Variants in FCN2 observed in about 807,000 individuals in gnomAD.
The protein encoded by FCN2 is ficolin 2.
A neutral mutation model predicts 32.5 loss-of-function variants in FCN2; 31 were observed. The observed-to-expected ratio is 0.96, with a 90% CI of 0.72 to 1.29. The LOEUF is 1.29. Among genes scored for constraint, FCN2 ranks in the 50% most tolerant of loss-of-function variants. The pLI, the probability that FCN2 is intolerant of heterozygous loss-of-function variation, is 0.00. For missense variants in FCN2, 412 were observed against 406.5 expected, an observed-to-expected ratio of 1.01 and a Z score of -0.12; for synonymous variants, 181 against 164.5, an observed-to-expected ratio of 1.10 and a Z score of -0.77.
chr9:134,885,739 CCGG>C, intron 5 of FCN2, 26 bp from the exon 6 acceptor site: 1 of 1,613,782 alleles, frequency 6.2e-7, no homozygotes, highest in Admixed American at 1.7e-5. Context: ...CCTGGCCCCC[CCGG>C]CTCCTGTCCC....
At chr9:134,865,092 G>A in the FCN2 span, among the ~76,000 whole-genome samples, 1 of 152,256 alleles carries the variant, frequency 6.6e-6, no homozygotes, top group Admixed American at 6.5e-5. Flanking sequence ...CCAGCTGGAC[G>A]TGGCCAGCAA....
chr9:134,883,463 C>A, intron 3 of FCN2, 108 bp downstream of exon 3: 1 of 993,470 alleles, frequency 1.0e-6, no homozygotes, highest in Non-Finnish European at 1.6e-6. Flanking sequence ...TCGCCAGAGC[C>A]AACGCCTGCC....
chr9:134,885,273 G>A lies in FCN2; in HGVS notation c.336G>A (p.Gly112=). 4.3e-6 allele frequency: 7 copies of A among 1,614,176 alleles called. No homozygotes were observed. The highest frequency in any genetic ancestry group is 5.9e-6 in the Non-Finnish European group (7 of 1,180,028). The part of the protein sequence containing the change: ...PRTCKDLLDR[G]HFLSGWHTIY... ...CCTGCAAGGACCTGCTAGACCGAGG[G>A]CACTTCCTGAGCGGCTGGCACACCA... The change falls in exon 5 of 8, where the codon GGG becomes GGA. Residue 112 remains glycine (G), a synonymous_variant. Coordinates refer to ENST00000291744, the MANE Select transcript of FCN2 (RefSeq NM_004108.3).
upstream of FCN2, among the ~76,000 whole-genome samples, chr9:134,879,547 G>C (rs751682854): frequency 2.6e-5 from 4 of 152,142 alleles, no homozygotes. Flanking sequence ...CATCTTTCTA[G>C]GTTCCATATC....
the FCN2 span, among the ~76,000 whole-genome samples, chr9:134,873,429 G>C: frequency 6.6e-6 from 1 of 152,150 alleles, no homozygotes; most frequent in African/African-American, 2.4e-5. Context: ...TCTGCAAAGA[G>C]TATGTCTCCA....
the FCN2 span, among the ~76,000 whole-genome samples, chr9:134,866,910 C>G: frequency 0.018 from 2,399 of 136,408 alleles, 117 homozygotes; most frequent in African/African-American, 0.066. Context: ...GACTGGCCAT[C>G]AGAGAAATGC....
chr9:134,868,267 C>T, the FCN2 span: 1 of 152,442 alleles, frequency 6.6e-6, no homozygotes, highest in African/African-American at 2.4e-5. The surrounding 1 kb of genome is among the most constrained non-coding windows in gnomAD (Gnocchi z 4.3). Context: ...CCCTTCTCCA[C>T]CGAAGACCAA....
At chr9:134,869,115 C>T in the FCN2 span, among the ~76,000 whole-genome samples, 7 of 151,626 alleles carry the variant, frequency 4.6e-5, no homozygotes, top group East Asian at 3.9e-4. Flanking sequence ...TGACCCCGGC[C>T]GCCTGGCCCC....
the FCN2 span, among the ~76,000 whole-genome samples, chr9:134,871,456 G>C: frequency 6.6e-6 from 1 of 152,234 alleles, no homozygotes; most frequent in African/African-American, 2.4e-5. Context: ...AGGAAGTGGA[G>C]AGGAGCGGGG....
intron 6 of FCN2, among the ~76,000 whole-genome samples, 193 bp downstream of exon 6, chr9:134,886,090 G>C (rs115695257): frequency 3.3e-5 from 5 of 152,178 alleles, no homozygotes; most frequent in Non-Finnish European, 7.3e-5. Flanking sequence ...GGACGGGAGA[G>C]GGTCAGAGCT....
Position 134,885,128 on chromosome 9 carries a change from T to C in FCN2, c.302-111T>C, listed in dbSNP as rs1343489506. The C allele has an allele frequency of 2.7e-6, 4 of 1,456,212 alleles. No individual in the cohort carries two copies. The African/African-American group carries it at 4.2e-5, about 15-fold the overall frequency. The allele number at this position is 1,456,212 out of a possible 1,614,324, so 90.2% of individuals were successfully genotyped here. A position where few individuals can be genotyped will look rare whatever the true frequency, so the allele number is the denominator to read the frequency against. On this transcript the variant is annotated intron_variant, in intron 4 of 7. Coordinates refer to ENST00000291744, the MANE Select transcript of FCN2 (RefSeq NM_004108.3). ...CTGTCCAGGCCTCAGAGTCCCGCTC[T>C]GTTCATACAGACGCCTATGGCCCTG...
chr9:134,882,509 C>T lies in FCN2; in HGVS notation c.101-17C>T. The T allele has an allele frequency of 6.2e-7, 1 of 1,606,414 alleles. No homozygotes were observed. The highest frequency in any genetic ancestry group is 8.5e-7 in the Non-Finnish European group (1 of 1,173,106). On this transcript the variant is annotated splice_polypyrimidine_tract_variant and intron_variant, in intron 1 of 7. Coordinates refer to ENST00000291744, the MANE Select transcript of FCN2 (RefSeq NM_004108.3). The stretch of plus-strand genomic sequence containing the variant: ...AGGCCCAGGTGACACTGAGTGGCCA[C>T]CTGTGTTTTTCTGCAGAGGTGAAGA...
chr9:134,870,128 T>C, the FCN2 span, among the ~76,000 whole-genome samples: 86 of 152,294 alleles, frequency 5.6e-4, no homozygotes, highest in African/African-American at 2.0e-3. The surrounding 1 kb of genome is among the most constrained non-coding windows in gnomAD (Gnocchi z 4.3). Flanking sequence ...GGAGTTAATG[T>C]GGAGGTGGCT....
In FCN2 at chr9:134,887,435, C is replaced by A; in HGVS notation, c.*20C>A. 1 of 1,612,956 alleles carries A rather than the reference C, an allele frequency of 6.2e-7. No homozygotes were observed. Among genetic ancestry groups the A allele is most frequent in the South Asian group, 1.1e-5 (1 of 90,980 alleles). On this transcript the variant is annotated 3_prime_UTR_variant, in exon 8 of 8. Coordinates refer to ENST00000291744, the MANE Select transcript of FCN2 (RefSeq NM_004108.3). Reference sequence around the variant, plus strand: ...GCCTAGCCCAGGCCGGCCTCAGGGTCAGGACGCCTCCACACATAGTTGGTT... The same window carrying A: ...GCCTAGCCCAGGCCGGCCTCAGGGTAAGGACGCCTCCACACATAGTTGGTT...
chr9:134,882,944 T>G (rs553794200), intron 2 of FCN2, among the ~76,000 whole-genome samples: 1 of 152,254 alleles, frequency 6.6e-6, no homozygotes, highest in African/African-American at 2.4e-5. Context: ...CCTTCCCACC[T>G]CAACACGGAG....
chr9:134,879,781 T>TA (rs991856817), upstream of FCN2, among the ~76,000 whole-genome samples: 1 of 152,166 alleles, frequency 6.6e-6, no homozygotes, highest in African/African-American at 2.4e-5. Flanking sequence ...GGTCACAGTT[T>TA]AAAATCCTTC....
the FCN2 span, among the ~76,000 whole-genome samples, chr9:134,864,567 G>A: frequency 2.0e-5 from 3 of 152,188 alleles, no homozygotes; most frequent in Non-Finnish European, 4.4e-5. Context: ...AAAGACCAGA[G>A]CCCCAGGGCT....
the FCN2 span, among the ~76,000 whole-genome samples, chr9:134,865,459 C>T: frequency 1.3e-5 from 2 of 152,254 alleles, no homozygotes; most frequent in Non-Finnish European, 2.9e-5. Context: ...GAAGAAAACA[C>T]ACACTACAGA....
At chr9:134,865,699 G>T in the FCN2 span, among the ~76,000 whole-genome samples, 22,127 of 151,932 alleles carry the variant, frequency 0.15, 2,099 homozygotes, top group East Asian at 0.27. Flanking sequence ...CACCGCTCTG[G>T]TCCATGGTCT....
Sources: allele counts gnomAD v4.1 joint callset (sites outside exome capture counted in the v4.1 genomes callset), GRCh38; gene constraint gnomAD v4.1.1; non-coding constraint Gnocchi (gnomAD v3.1); transcripts MANE v1.5; gene names NCBI Gene and HGNC (gene_info 2026-07-23, HGNC 2026-07-21).